CLEC16A: variants seen among roughly 807,000 people sequenced by gnomAD.
CLEC16A encodes the protein C-type lectin domain containing 16A.
In CLEC16A, 51 loss-of-function variants were observed where a neutral mutation model predicts 109.5. The ratio of observed to expected loss-of-function variants is 0.47; its 90% CI spans 0.37 to 0.59. The LOEUF (loss-of-function observed/expected upper bound fraction) is 0.59. CLEC16A is among the 20% of genes least tolerant of loss of function. The pLI is 0.00. For missense variants in CLEC16A, 1,339 were observed against 1,394.0 expected (o/e 0.96, Z 0.63); for synonymous variants, 673 against 564.2 (o/e 1.19, Z -2.73).
At chr16:11,081,541 A>T (rs1361156814) in intron 19 of CLEC16A, among the ~76,000 whole-genome samples, 1 of 151,716 alleles carries the variant, frequency 6.6e-6, no homozygotes, top group East Asian at 1.9e-4. Flanking sequence ...AGGCTCAAAA[A>T]TCCTCCTCCA....
chr16:10,972,661 G>T, intron 6 of CLEC16A, 102 bp downstream of exon 6: 2 of 1,115,624 alleles, frequency 1.8e-6, no homozygotes, highest in Non-Finnish European at 1.3e-6. Context: ...AGCTCAGTCT[G>T]CTACTGATAA....
intron 2 of CLEC16A, among the ~76,000 whole-genome samples, chr16:10,960,575 A>G (rs917971621): frequency 6.6e-6 from 1 of 152,160 alleles, no homozygotes; most frequent in African/African-American, 2.4e-5. Flanking sequence ...TCTCTACTAT[A>G]AAGCTACTGT....
intron 22 of CLEC16A, among the ~76,000 whole-genome samples, chr16:11,163,208 C>T (rs1205202145): frequency 6.6e-6 from 1 of 152,238 alleles, no homozygotes; most frequent in Non-Finnish European, 1.5e-5. Context: ...ACCCTGAATT[C>T]TCCCCAGCAC....
chr16:11,138,366 T>A (rs1173420799), intron 22 of CLEC16A, among the ~76,000 whole-genome samples: 1 of 152,212 alleles, frequency 6.6e-6, no homozygotes, highest in African/African-American at 2.4e-5. Flanking sequence ...CAGGGCCCGA[T>A]AGCAAAGCGC....
chr16:10,982,848 T>G (rs374440412), intron 9 of CLEC16A, 30 bp from the exon 10 acceptor site: 2 of 1,327,728 alleles, frequency 1.5e-6, no homozygotes, highest in Non-Finnish European at 2.2e-6. Context: ...CACACTTTCA[T>G]GCAAATCCCG....
chr16:11,013,602 A>T (rs564001928), intron 11 of CLEC16A, among the ~76,000 whole-genome samples: 1 of 152,090 alleles, frequency 6.6e-6, no homozygotes, highest in African/African-American at 2.4e-5. Flanking sequence ...CTGAAAATAC[A>T]AAAAAATTAG....
intron 10 of CLEC16A, among the ~76,000 whole-genome samples, chr16:10,995,546 C>G (rs2044276540): frequency 6.6e-6 from 1 of 152,202 alleles, no homozygotes; most frequent in Admixed American, 6.5e-5. Flanking sequence ...AAAGCCCCTC[C>G]CCTGCCCTCT....
chr16:11,105,385 T>A (rs2051156102), intron 19 of CLEC16A, among the ~76,000 whole-genome samples: 1 of 152,216 alleles, frequency 6.6e-6, no homozygotes, highest in Non-Finnish European at 1.5e-5. Context: ...TTGCTCATCC[T>A]TAAGTAGACT....
chr16:11,017,454 C>T (rs2045827192), intron 11 of CLEC16A, among the ~76,000 whole-genome samples: 1 of 152,170 alleles, frequency 6.6e-6, no homozygotes, highest in South Asian at 2.1e-4. Context: ...GGACAAATCT[C>T]CTCTACAGAA....
At chr16:11,056,003 TATAAA>T (rs1270602689) in intron 18 of CLEC16A, among the ~76,000 whole-genome samples, 1 of 152,078 alleles carries the variant, frequency 6.6e-6, no homozygotes, top group Non-Finnish European at 1.5e-5. Flanking sequence ...GAGCAAATAA[TATAAA>T]ATAAGACCAA....
intron 13 of CLEC16A, among the ~76,000 whole-genome samples, chr16:11,025,488 C>T (rs926589096): frequency 1.3e-5 from 2 of 152,166 alleles, no homozygotes. Context: ...CACCGCCTTG[C>T]TGCCGACCCC....
Position 11,007,658 on chromosome 16 carries a change from C to T in CLEC16A, c.1303+4353C>T, listed in dbSNP as rs371575745. Reference sequence around the variant, plus strand: ...GGCCAAGGTGGAGGGCAGAGTGAGGCGCTCGAACAGCAATTTGAGTGTGGT... The same window carrying T: ...GGCCAAGGTGGAGGGCAGAGTGAGGTGCTCGAACAGCAATTTGAGTGTGGT... On this transcript the variant is annotated intron_variant, in intron 11 of 23. Transcript: ENST00000409790. Among the ~76,000 whole-genome samples, 8 of 152,298 alleles carry T rather than the reference C, an allele frequency of 5.3e-5. No individual in the cohort carries two copies. The East Asian group carries it at 1.2e-3, about 22-fold the overall frequency.
intron 3 of CLEC16A, 63 bp from the exon 4 acceptor site, chr16:10,969,098 T>C (rs1596798143): frequency 1.4e-6 from 2 of 1,420,530 alleles, no homozygotes; most frequent in East Asian, 2.3e-5. Context: ...GGTCATCTGC[T>C]TGTTACCTGG....
At chr16:11,090,473 G>A (rs187712678) in intron 19 of CLEC16A, among the ~76,000 whole-genome samples, 80 of 152,266 alleles carry the variant, frequency 5.3e-4, no homozygotes, top group African/African-American at 1.4e-3. Context: ...GAGTGATGTT[G>A]ATGGCTGTCT....
Position 11,174,918 on chromosome 16 carries a change from G to A in CLEC16A, c.2807-3417G>A, listed in dbSNP as rs1950212044. Among the ~76,000 whole-genome samples, 1 of 152,210 alleles carries A rather than the reference G, an allele frequency of 6.6e-6. No homozygotes were observed. Among genetic ancestry groups the A allele is most frequent in the South Asian group, 2.1e-4 (1 of 4,832 alleles). On this transcript the variant is annotated intron_variant, in intron 23 of 23. Coordinates refer to ENST00000409790, the MANE Select transcript of CLEC16A (RefSeq NM_015226.3). The surrounding 1 kb of genome is among the most constrained non-coding windows in gnomAD (Gnocchi z 4.7). ...CCACCCAGCAGCCTGGCTCGCTGTCGGGGCCATCCCTGCTGCCTCCCCTAT... is the reference window on the plus strand; with the variant it reads ...CCACCCAGCAGCCTGGCTCGCTGTCAGGGCCATCCCTGCTGCCTCCCCTAT...
At chr16:10,945,987 A>G (rs776545723) in intron 1 of CLEC16A, among the ~76,000 whole-genome samples, 25 of 152,134 alleles carry the variant, frequency 1.6e-4, no homozygotes, top group Admixed American at 6.5e-5. Context: ...GGAAAAATGA[A>G]TGATTGAATT....
intron 10 of CLEC16A, among the ~76,000 whole-genome samples, chr16:10,999,795 T>C (rs1469329100): frequency 1.3e-5 from 2 of 152,228 alleles, no homozygotes. Context: ...TGTTTTGTGT[T>C]GGATGTTCAC....
intron 22 of CLEC16A, among the ~76,000 whole-genome samples, chr16:11,128,032 G>C (rs1445201376): frequency 1.3e-5 from 2 of 152,160 alleles, no homozygotes; most frequent in Non-Finnish European, 2.9e-5. Context: ...TGATTGCTAA[G>C]TAAATATAAA....
At chr16:11,083,668 C>T (rs541276665) in intron 19 of CLEC16A, among the ~76,000 whole-genome samples, 2 of 152,324 alleles carry the variant, frequency 1.3e-5, no homozygotes, top group East Asian at 1.9e-4. Context: ...TGCCAGTTTC[C>T]TCCAACACTG....
Sources: allele counts gnomAD v4.1 joint callset (sites outside exome capture counted in the v4.1 genomes callset), GRCh38; gene constraint gnomAD v4.1.1; non-coding constraint Gnocchi (gnomAD v3.1); transcripts MANE v1.5; gene names NCBI Gene and HGNC (gene_info 2026-07-23, HGNC 2026-07-21).